The following RAG1 variants were observed in gnomAD, a reference collection of about 807,000 sequenced individuals.
RAG1 encodes recombination activating 1, also known as V(D)J recombination-activating protein 1.
In RAG1, 35 loss-of-function variants were observed where a neutral mutation model predicts 62.7. That is an observed-to-expected ratio of 0.56 (90% CI 0.43 to 0.74). The LOEUF (loss-of-function observed/expected upper bound fraction) is 0.74. Among genes scored for constraint, RAG1 ranks in the 30% least tolerant of loss-of-function variants. The pLI is 0.00. For missense variants in RAG1, 1,169 were observed against 1,278.6 expected (o/e 0.91, Z 1.31); for synonymous variants, 461 against 470.3 (o/e 0.98, Z 0.26).
rs1004220134 is a variant in RAG1, at chr11:36,510,936, C to T, written n.228C>T. The stretch of plus-strand genomic sequence containing the variant: ...CTCTGCATATTTGGTTCATCGTCCA[C>T]CTCTTAGGGGAGGTTTTCCAGGATA... On this transcript the variant is annotated non_coding_transcript_exon_variant, in exon 1 of 3. Transcript: ENST00000529126. 2.0e-5 allele frequency: 3 copies of T among 152,306 alleles called. No homozygotes were observed. In the East Asian group the frequency reaches 5.8e-4, roughly 29 times the overall value. The allele number at this position is 152,306 out of a possible 1,614,324, so 9.4% of individuals were successfully genotyped here.
At chr11:36,551,517 T>A (rs1451022892) in intron 3 of RAG1, among the ~76,000 whole-genome samples, 3 of 152,068 alleles carry the variant, frequency 2.0e-5, no homozygotes, top group African/African-American at 7.2e-5. Flanking sequence ...TCTGTGTGTG[T>A]CTGTGTTCTA....
upstream of RAG1, among the ~76,000 whole-genome samples, chr11:36,565,503 C>T (rs1390319971): frequency 6.6e-6 from 1 of 152,192 alleles, no homozygotes; most frequent in Non-Finnish European, 1.5e-5. Flanking sequence ...TCTGGGAGGT[C>T]TGCGCTCAAG....
intron 1 of RAG1, among the ~76,000 whole-genome samples, chr11:36,512,057 TC>T (rs1303853990): frequency 1.3e-5 from 2 of 152,248 alleles, no homozygotes; most frequent in African/African-American, 2.4e-5. Context: ...AGGGGCCTTT[TC>T]CTACTCCTTC....
intron 2 of RAG1, among the ~76,000 whole-genome samples, chr11:36,525,171 T>C (rs1860141159): frequency 6.6e-6 from 1 of 151,302 alleles, no homozygotes; most frequent in South Asian, 2.1e-4. Context: ...TTTTTCTCTA[T>C]TGAATTGTTT....
rs556327505 is a variant in RAG1, at chr11:36,577,680, G to A, written c.*1244G>A. The stretch of plus-strand genomic sequence containing the variant: ...GGTGTTGTTATTATCTCCATTTGAT[G>A]GGGGTTTAAATGATTTGCTCAAAGT... On this transcript the variant is annotated 3_prime_UTR_variant, in exon 2 of 2. Transcript: ENST00000299440. 6.0e-6 allele frequency: 1 copy of A among 167,116 alleles called. No individual in the cohort carries two copies. Among genetic ancestry groups the A allele is most frequent in the African/African-American group, 2.4e-5 (1 of 41,564 alleles). 10.4% of individuals were successfully genotyped at this position (167,116 alleles called of 1,614,324 possible). A position where few individuals can be genotyped will look rare whatever the true frequency, so the allele number is the denominator to read the frequency against.
chr11:36,574,165 T>G lies in RAG1; in HGVS notation c.861T>G (p.Phe287Leu). The G allele has an allele frequency of 6.2e-7, 1 of 1,614,190 alleles. No homozygotes were observed. The highest frequency in any genetic ancestry group is 8.5e-7 in the Non-Finnish European group (1 of 1,180,042). ...KLLAVDFPEH[F>L]VKSISCQICE... Reference sequence around the variant, plus strand: ...TTGCAGTGGACTTCCCAGAGCACTTTGTGAAATCCATCTCCTGCCAGATCT... The same window carrying G: ...TTGCAGTGGACTTCCCAGAGCACTTGGTGAAATCCATCTCCTGCCAGATCT... Residue 287 changes from phenylalanine (F) to leucine (L), a missense_variant, in exon 2 of 2, where the codon TTT becomes TTG. Transcript: ENST00000299440.
intron 2 of RAG1, among the ~76,000 whole-genome samples, chr11:36,532,219 T>G (rs996889348): frequency 6.6e-6 from 1 of 152,104 alleles, no homozygotes; most frequent in Non-Finnish European, 1.5e-5. Flanking sequence ...CTGAAAGTTA[T>G]TTTTAATATT....
chr11:36,573,788 G>T lies in RAG1; in HGVS notation c.484G>T (p.Asp162Tyr). The stretch of plus-strand genomic sequence containing the variant: ...CCTCATTGCCAAGGTTTTCCGGATC[G>T]ATGTGAAGGCAGATGTTGACTCGAT... ...PDLIAKVFRI[D>Y]VKADVDSIHP... Residue 162 changes from aspartate (D) to tyrosine (Y), a missense_variant, in exon 2 of 2, where the codon GAT becomes TAT. Coordinates refer to ENST00000299440, the MANE Select transcript of RAG1 (RefSeq NM_000448.3). 5 of 1,614,068 alleles carry T rather than the reference G, an allele frequency of 3.1e-6. No homozygotes were observed. The highest frequency in any genetic ancestry group is 4.2e-6 in the Non-Finnish European group (5 of 1,179,990).
At chr11:36,524,949 A>C (rs1312853929) in intron 2 of RAG1, among the ~76,000 whole-genome samples, 1 of 151,900 alleles carries the variant, frequency 6.6e-6, no homozygotes, top group East Asian at 1.9e-4. Flanking sequence ...ACTGTGATTC[A>C]TTTTGAGTTT....
intron 1 of RAG1, 64 bp from the exon 2 acceptor site, chr11:36,573,225 ATT>A (rs1850774535): frequency 1.4e-6 from 2 of 1,435,440 alleles, no homozygotes; most frequent in Admixed American, 3.9e-5. Flanking sequence ...TATTTTTATT[ATT>A]TATAAGATAC....
At chr11:36,534,303 C>T (rs1488341076) in intron 2 of RAG1, among the ~76,000 whole-genome samples, 7 of 152,086 alleles carry the variant, frequency 4.6e-5, no homozygotes, top group African/African-American at 1.2e-4. Context: ...ATGAAAAGTA[C>T]GCTCTAGTGG....
chr11:36,572,032 G>A (rs1477222542), intron 1 of RAG1, among the ~76,000 whole-genome samples: 3 of 152,096 alleles, frequency 2.0e-5, no homozygotes, highest in Admixed American at 6.5e-5. Context: ...TTGCCCCTCC[G>A]TACCTCCTAA....
At chr11:36,526,356 A>T (rs2133251471) in intron 2 of RAG1, among the ~76,000 whole-genome samples, 1 of 151,116 alleles carries the variant, frequency 6.6e-6, no homozygotes, top group African/African-American at 2.4e-5. Flanking sequence ...TCCTTGTGAT[A>T]GTTTGCTGAA....
At chr11:36,517,707 A>C (rs749996481) in intron 1 of RAG1, among the ~76,000 whole-genome samples, 1 of 152,220 alleles carries the variant, frequency 6.6e-6, no homozygotes, top group Non-Finnish European at 1.5e-5. Flanking sequence ...TTCAAATTGA[A>C]CTTGCAGAAT....
intron 1 of RAG1, among the ~76,000 whole-genome samples, chr11:36,569,658 A>C (rs1472664703): frequency 6.6e-6 from 1 of 152,252 alleles, no homozygotes; most frequent in Non-Finnish European, 1.5e-5. Context: ...AGTTTTATCC[A>C]AAATAAATGT....
chr11:36,563,114 C>A (rs758681096), upstream of RAG1, among the ~76,000 whole-genome samples: 4 of 152,146 alleles, frequency 2.6e-5, no homozygotes, highest in Non-Finnish European at 5.9e-5. Context: ...CTTAATCAAC[C>A]CATTTAAGGC....
Position 36,574,749 on chromosome 11 carries a change from G to A in RAG1, c.1445G>A (p.Ser482Asn). 1.5e-5 allele frequency: 25 copies of A among 1,614,236 alleles called. No homozygotes were observed. Among genetic ancestry groups the A allele is most frequent in the Non-Finnish European group, 2.1e-5 (25 of 1,180,048 alleles). ...AIRVNTFLSC[S>N]QYHKMYRTVK... is the part of the protein sequence containing the mutation. ...CGTGTCAACACCTTCCTCAGCTGCA[G>A]TCAGTACCACAAGATGTACAGGACT... The change falls in exon 2 of 2, where the codon AGT becomes AAT. Residue 482 changes from serine to asparagine, a missense_variant. Coordinates refer to ENST00000299440, the MANE Select transcript of RAG1 (RefSeq NM_000448.3).
chr11:36,560,383 A>T (rs1027914633), intron 3 of RAG1, among the ~76,000 whole-genome samples: 1 of 152,092 alleles, frequency 6.6e-6, no homozygotes, highest in Non-Finnish European at 1.5e-5. Context: ...GGTGCAGGGC[A>T]CTGTGTGGGC....
At position 36,544,053 on chromosome 11, in the gene RAG1, C is replaced by T. The variant is rs183559392; in HGVS notation, c.-412+8019C>T. 8.0e-4 allele frequency among the ~76,000 whole-genome samples: 122 copies of T among 152,298 alleles called. No individual in the cohort carries two copies. The South Asian group carries it at 0.015, about 18-fold the overall frequency. On this transcript the variant is annotated intron_variant and NMD_transcript_variant, in intron 3 of 9. Transcript: ENST00000534663. ...ATTAACAAATTATATACATATGGAA[C>T]ATTTTCCACAATTCATGAACCAGTA...
Sources: gnomAD v4.1 joint callset for allele counts (sites outside exome capture counted in the v4.1 genomes callset) on GRCh38, gnomAD v4.1.1 for gene constraint, MANE v1.5 for transcripts, NCBI Gene and HGNC (gene_info 2026-07-23, HGNC 2026-07-21) for gene names.